The following DNAH7 variants were observed in gnomAD, a reference collection of about 807,000 sequenced individuals.
The protein encoded by DNAH7 is dynein axonemal heavy chain 7, also known as axonemal beta dynein heavy chain 7.
In DNAH7, 397 loss-of-function variants were observed where a neutral mutation model predicts 444.6. The observed-to-expected ratio is 0.89, with a 90% confidence interval of 0.82 to 0.97. The LOEUF (loss-of-function observed/expected upper bound fraction) is 0.97, where lower values mean the gene tolerates loss of function less well. Among genes scored for constraint, DNAH7 ranks in the 50% least tolerant of loss-of-function variants. DNAH7 has a pLI of 0.00. For synonymous variants in DNAH7, 1,636 were observed against 1,624.4 expected (o/e 1.01, Z -0.17); for missense variants, 4,902 against 4,800.8 (o/e 1.02, Z -0.62).
chr2:195,934,518 T>A, intron 21 of DNAH7, 73 bp downstream of exon 21: 2 of 1,476,202 alleles, frequency 1.4e-6, no homozygotes, highest in Non-Finnish European at 1.9e-6. Flanking sequence ...ACAGTACATT[T>A]ATCAACAGAA....
chr2:195,922,780 C>T (rs571850214), intron 23 of DNAH7, among the ~76,000 whole-genome samples: 8 of 152,152 alleles, frequency 5.3e-5, no homozygotes, highest in Non-Finnish European at 1.2e-4. Flanking sequence ...TGTTTGCATT[C>T]CCCATCATGA....
At chr2:195,796,271 G>T (rs1486208519) in intron 56 of DNAH7, among the ~76,000 whole-genome samples, 1 of 152,158 alleles carries the variant, frequency 6.6e-6, no homozygotes, top group Non-Finnish European at 1.5e-5. Context: ...TAAAAAGTAA[G>T]TTGATGTATA....
intron 21 of DNAH7, among the ~76,000 whole-genome samples, 186 bp from the exon 22 acceptor site, chr2:195,926,752 G>A (rs1411198967): frequency 6.6e-6 from 1 of 151,900 alleles, no homozygotes; most frequent in African/African-American, 2.4e-5. Flanking sequence ...ATACCTATAA[G>A]CAAGGCAAAC....
intron 61 of DNAH7, among the ~76,000 whole-genome samples, chr2:195,757,561 C>A (rs1694139099): frequency 6.6e-6 from 1 of 152,156 alleles, no homozygotes; most frequent in African/African-American, 2.4e-5. Context: ...TTGCCATCTT[C>A]TCAAAACCCC....
At chr2:195,942,199 G>C (rs980547571) in intron 19 of DNAH7, among the ~76,000 whole-genome samples, 2 of 152,098 alleles carry the variant, frequency 1.3e-5, no homozygotes, top group African/African-American at 4.8e-5. Flanking sequence ...GATGTTCGAT[G>C]TGAGCCTCTT....
At chr2:195,841,077 T>C (rs1173707963) in intron 47 of DNAH7, among the ~76,000 whole-genome samples, 4 of 151,778 alleles carry the variant, frequency 2.6e-5, no homozygotes, top group Non-Finnish European at 4.4e-5. Context: ...TCAAGACAAA[T>C]AGGTAAATGG....
Position 195,875,669 on chromosome 2 carries a change from A to G in DNAH7, c.6286+6T>C. 1 of 1,549,984 alleles carries G rather than the reference A, an allele frequency of 6.5e-7. No individual in the cohort carries two copies. On this transcript the variant is annotated splice_donor_region_variant and intron_variant, in intron 38 of 64. Transcript: ENST00000312428. ...ATCTTAGTAATCACAAACTCAAAAA[A>G]TGTACCTGGAGGTCCCATAGCACAC...
At chr2:195,871,649 T>G (rs1398134367) in intron 40 of DNAH7, among the ~76,000 whole-genome samples, 1 of 151,328 alleles carries the variant, frequency 6.6e-6, no homozygotes, top group East Asian at 1.9e-4. Flanking sequence ...TAAAAAGTGT[T>G]CCATTTCAAA....
At chr2:195,770,832 A>G (rs1694800810) in intron 61 of DNAH7, among the ~76,000 whole-genome samples, 1 of 150,440 alleles carries the variant, frequency 6.6e-6, no homozygotes, top group Non-Finnish European at 1.5e-5. Context: ...CTCCTGTCTC[A>G]GCCTCCTGAG....
In DNAH7 at chr2:195,984,667, T is replaced by C. The variant is rs1309015557; in HGVS notation, c.1798A>G (p.Thr600Ala). 5 of 1,613,968 alleles carry C rather than the reference T, an allele frequency of 3.1e-6. No individual in the cohort carries two copies. Among genetic ancestry groups the C allele is most frequent in the South Asian group, 2.2e-5 (2 of 91,074 alleles). ...FERIAEKALS[T>A]PPNTAELMEM... The stretch of plus-strand genomic sequence containing the variant: ...ATTAGTTCTGCTGTATTTGGAGGAG[T>C]GCTAAGAGCTTTTTCAGCTATCCTC... The change falls in exon 15 of 65, where the codon ACT (threonine) becomes GCT (alanine). Residue 600 changes from threonine to alanine, a missense_variant. By Grantham distance (58) the Thr-to-Ala change is moderately conservative (BLOSUM62 0). Transcript: ENST00000312428.
chr2:195,874,801 A>G (rs1304481810), intron 38 of DNAH7, among the ~76,000 whole-genome samples: 4 of 152,146 alleles, frequency 2.6e-5, no homozygotes, highest in African/African-American at 9.7e-5. Context: ...CACCTAAGCA[A>G]CAGAGTGAGA....
At chr2:195,851,100 G>A (rs2125035410) in intron 46 of DNAH7, among the ~76,000 whole-genome samples, 1 of 152,334 alleles carries the variant, frequency 6.6e-6, no homozygotes, top group Non-Finnish European at 1.5e-5. Context: ...GGGTGTGAAA[G>A]CACACAGAAG....
rs943925836 is a variant in DNAH7, at chr2:195,890,956, A to G, written c.5046+699T>C. Among the ~76,000 whole-genome samples, 6 of 152,220 alleles carry G rather than the reference A, an allele frequency of 3.9e-5. No homozygotes were observed. In the East Asian group the frequency reaches 1.2e-3, roughly 29 times the overall value. ...CCTGAGCCTAGGCCCCTTTTCCTAT[A>G]CTACCAGCTTTAGCAAGCTGTCTCC... On this transcript the variant is annotated intron_variant, in intron 31 of 64. Coordinates refer to ENST00000312428, the MANE Select transcript of DNAH7 (RefSeq NM_018897.3).
At chr2:195,774,083 T>C (rs140979743) in intron 60 of DNAH7, among the ~76,000 whole-genome samples, 33 of 152,348 alleles carry the variant, frequency 2.2e-4, no homozygotes, top group African/African-American at 7.2e-4. Flanking sequence ...TTTAATTATT[T>C]ACTGAAAAGA....
chr2:196,005,946 A>G (rs1277158344), intron 10 of DNAH7, among the ~76,000 whole-genome samples: 1 of 152,096 alleles, frequency 6.6e-6, no homozygotes, highest in East Asian at 1.9e-4. Context: ...AAAACTACAG[A>G]CCAATATCTC....
chr2:195,742,105 G>T (rs961620054), intron 63 of DNAH7, among the ~76,000 whole-genome samples: 6 of 152,256 alleles, frequency 3.9e-5, no homozygotes, highest in African/African-American at 1.4e-4. Flanking sequence ...TATAACTCTG[G>T]TAAAGCTGGA....
intron 46 of DNAH7, among the ~76,000 whole-genome samples, chr2:195,853,022 T>C (rs951347424): frequency 6.6e-6 from 1 of 152,048 alleles, no homozygotes; most frequent in South Asian, 2.1e-4. Flanking sequence ...CATTTTCCCA[T>C]TACTTTTTAA....
chr2:195,897,586 G>C, intron 29 of DNAH7, 81 bp downstream of exon 29: 1 of 749,118 alleles, frequency 1.3e-6, no homozygotes, highest in Non-Finnish European at 2.2e-6. Flanking sequence ...GTTTTCCATA[G>C]TGGGAGCTTC....
intron 8 of DNAH7, 142 bp downstream of exon 8, chr2:196,024,287 C>T (rs976418809): frequency 1.2e-5 from 6 of 481,870 alleles, no homozygotes; most frequent in Non-Finnish European, 2.1e-5. Flanking sequence ...ATGAGGCATG[C>T]CTGTATATGA....
Sources: allele counts gnomAD v4.1 joint callset (sites outside exome capture counted in the v4.1 genomes callset), GRCh38; gene constraint gnomAD v4.1.1; transcripts MANE v1.5; gene names NCBI Gene and HGNC (gene_info 2026-07-23, HGNC 2026-07-21).